The following VPS13B variants were observed in gnomAD, a reference collection of about 807,000 sequenced individuals.
VPS13B encodes the protein vacuolar protein sorting 13 homolog B, also known as intermembrane lipid transfer protein VPS13B.
In VPS13B, 285 loss-of-function variants were observed where a neutral mutation model predicts 426.4. The ratio of observed to expected loss-of-function variants is 0.67; its 90% CI spans 0.61 to 0.74. The LOEUF is 0.74. Ranked by LOEUF, VPS13B falls within the 30% of genes least tolerant of loss-of-function variation. The pLI, the probability that VPS13B is intolerant of heterozygous loss-of-function variation, is 0.00. For synonymous variants in VPS13B, 1,676 were observed against 1,676.4 expected (o/e 1.00, Z 0.01); for missense variants, 4,537 against 4,782.6 (o/e 0.95, Z 1.51).
intron 60 of VPS13B, 35 bp from the exon 61 acceptor site, chr8:99,871,413 C>A (rs376064674): frequency 1.9e-6 from 3 of 1,613,766 alleles, no homozygotes; most frequent in African/African-American, 2.7e-5. Flanking sequence ...CTTTTCACAG[C>A]TGGCCCCTGG....
chr8:99,294,584 A>G (rs1819931436), intron 19 of VPS13B, among the ~76,000 whole-genome samples: 1 of 152,110 alleles, frequency 6.6e-6, no homozygotes, highest in Admixed American at 6.6e-5. Flanking sequence ...AGAAAATAGC[A>G]TGGAGTGATA....
At chr8:99,748,257 T>C (rs1365458871) in intron 39 of VPS13B, among the ~76,000 whole-genome samples, 1 of 152,020 alleles carries the variant, frequency 6.6e-6, no homozygotes, top group Non-Finnish European at 1.5e-5. Flanking sequence ...CACCAAATAA[T>C]AGTGGTCAGT....
chr8:99,426,078 A>C (rs2133393220), intron 21 of VPS13B, among the ~76,000 whole-genome samples: 2 of 101,406 alleles, frequency 2.0e-5, no homozygotes, highest in African/African-American at 7.7e-5. Context: ...CCACCCCACC[A>C]CAGTCCCCAG....
At chr8:99,768,780 A>G (rs1811349529) in intron 40 of VPS13B, among the ~76,000 whole-genome samples, 1 of 152,206 alleles carries the variant, frequency 6.6e-6, no homozygotes, top group Non-Finnish European at 1.5e-5. Context: ...CAGCAATAAA[A>G]AGAACACCCA....
At chr8:99,606,790 G>C (rs1227381660) in intron 33 of VPS13B, among the ~76,000 whole-genome samples, 1 of 152,004 alleles carries the variant, frequency 6.6e-6, no homozygotes, top group Non-Finnish European at 1.5e-5. Flanking sequence ...ATCACGCCCA[G>C]CTAATTTTGT....
chr8:99,049,167 T>C (rs1843389488), intron 3 of VPS13B, among the ~76,000 whole-genome samples: 1 of 152,184 alleles, frequency 6.6e-6, no homozygotes, highest in African/African-American at 2.4e-5. Context: ...ACATTAGTAT[T>C]GAGATGTGAG....
At chr8:99,389,790 C>G (rs901172357) in intron 20 of VPS13B, 4 of 152,084 alleles carry the variant, frequency 2.6e-5, no homozygotes, top group African/African-American at 9.7e-5. Flanking sequence ...TAATCCTGAA[C>G]TTGGTTGTAC....
chr8:99,189,793 A>G (rs1387590272), intron 16 of VPS13B, among the ~76,000 whole-genome samples: 2 of 152,122 alleles, frequency 1.3e-5, no homozygotes, highest in Non-Finnish European at 2.9e-5. Context: ...ACTTTATGAT[A>G]TTAGTTTATA....
chr8:99,360,174 C>A (rs1249594014), intron 19 of VPS13B, among the ~76,000 whole-genome samples: 1 of 37,068 alleles, frequency 2.7e-5, no homozygotes, highest in African/African-American at 1.3e-4. Context: ...TTCTTTCTTT[C>A]TTTCTTTCTT....
chr8:99,436,311 T>C (rs995601785), intron 22 of VPS13B, among the ~76,000 whole-genome samples: 4 of 152,234 alleles, frequency 2.6e-5, no homozygotes. Context: ...CAGTACCTTT[T>C]AGCTTCATCA....
rs193096111 is a variant in VPS13B, at chr8:99,826,781, G to A, written c.9330+2803G>A. Among the ~76,000 whole-genome samples, 840 of 152,232 alleles carry A rather than the reference G, an allele frequency of 5.5e-3. 6 individuals are homozygous for A. The highest frequency in any genetic ancestry group is 6.6e-3 in the Non-Finnish European group (449 of 68,018). On this transcript the variant is annotated intron_variant, in intron 51 of 61. Transcript: ENST00000357162. ...TTTATTGAGTGTTTTTAGCATGAAG[G>A]GGTGTTGAATTTTATCAAAGGCCTT...
At chr8:99,244,920 T>G (rs1459825763) in intron 17 of VPS13B, among the ~76,000 whole-genome samples, 1 of 152,204 alleles carries the variant, frequency 6.6e-6, no homozygotes, top group Non-Finnish European at 1.5e-5. Flanking sequence ...CATGGATGCA[T>G]GTATGTGTAG....
intron 30 of VPS13B, among the ~76,000 whole-genome samples, chr8:99,542,044 A>T (rs752888405): frequency 3.3e-5 from 5 of 152,164 alleles, no homozygotes; most frequent in Non-Finnish European, 5.9e-5. Flanking sequence ...ATTTCTTCAA[A>T]GTATGTACCT....
chr8:99,066,966 T>C (rs938969659), intron 3 of VPS13B, among the ~76,000 whole-genome samples: 2 of 152,198 alleles, frequency 1.3e-5, no homozygotes, highest in African/African-American at 4.8e-5. Flanking sequence ...CCAGTTAGAA[T>C]GGCAATCATT....
rs941818698 is a variant in VPS13B at position 99,809,478 on chromosome 8, G to A, written c.8045G>A (p.Arg2682Gln). 11 of 1,613,890 alleles carry A rather than the reference G, an allele frequency of 6.8e-6. No individual in the cohort carries two copies. Among genetic ancestry groups the A allele is most frequent in the Admixed American group, 5.0e-5 (3 of 59,998 alleles). ...TFIRTIQYRG[R>Q]TASLIIKVQQ... is the part of the protein sequence containing the mutation. ...ATTAGAACAATTCAGTACAGGGGTC[G>A]AACTGCTTCTCTCATCATCAAGGTT... The change falls in exon 44 of 62, where the codon CGA (arginine) becomes CAA (glutamine). Residue 2682 changes from arginine (R) to glutamine (Q), a missense_variant. Transcript: ENST00000357162.
intron 17 of VPS13B, among the ~76,000 whole-genome samples, chr8:99,201,872 AT>A (rs1750779455): frequency 6.6e-6 from 1 of 152,218 alleles, no homozygotes; most frequent in African/African-American, 2.4e-5. Flanking sequence ...GATTTTCTCA[AT>A]AACTATATAT....
At chr8:99,502,143 C>G (rs149905388) in intron 26 of VPS13B, among the ~76,000 whole-genome samples, 23 of 152,088 alleles carry the variant, frequency 1.5e-4, no homozygotes, top group South Asian at 8.3e-4. Flanking sequence ...CACCACGACA[C>G]CCAGCTAATT....
intron 51 of VPS13B, among the ~76,000 whole-genome samples, chr8:99,831,076 C>CTTTTTTTT (rs773817774): frequency 5.0e-5 from 6 of 120,078 alleles, no homozygotes; most frequent in African/African-American, 9.6e-5. Flanking sequence ...GTGTTTTTTT[C>CTTTTTTTT]TTTTTTTTTT....
chr8:99,608,958 T>C (rs1448172883), intron 33 of VPS13B, among the ~76,000 whole-genome samples: 1 of 152,086 alleles, frequency 6.6e-6, no homozygotes, highest in African/African-American at 2.4e-5. Flanking sequence ...ATGAATAGAG[T>C]TGCTATGAAC....
Sources: allele counts gnomAD v4.1 joint callset (sites outside exome capture counted in the v4.1 genomes callset), GRCh38; gene constraint gnomAD v4.1.1; transcripts MANE v1.5; gene names NCBI Gene and HGNC (gene_info 2026-07-23, HGNC 2026-07-21).